The following KCNIP4 variants were observed in gnomAD, a reference collection of about 807,000 sequenced individuals.
The protein encoded by KCNIP4 is potassium voltage-gated channel interacting protein 4, also known as Kv channel-interacting protein 4.
A neutral mutation model predicts 34.0 loss-of-function variants in KCNIP4; 12 were observed. The ratio of observed to expected loss-of-function variants is 0.35; its 90% confidence interval spans 0.23 to 0.57. KCNIP4 has a LOEUF of 0.57. Among genes scored for constraint, KCNIP4 ranks in the 20% least tolerant of loss-of-function variants. The probability of loss-of-function intolerance (pLI) is 0.83; values close to 1 mark genes in which losing one functional copy is unlikely to be tolerated. For synonymous variants in KCNIP4, 124 were observed against 102.2 expected, an observed-to-expected ratio of 1.21 and a Z score of -1.29; for missense variants, 238 against 311.7, an observed-to-expected ratio of 0.76 and a Z score of 1.78.
intron 1 of KCNIP4, among the ~76,000 whole-genome samples, chr4:21,181,915 A>T (rs17448020): frequency 0.084 from 12,791 of 152,198 alleles, 708 homozygotes; most frequent in Middle Eastern, 0.16. Flanking sequence ...CTTGGGTCAA[A>T]CATTTGCTTT....
chr4:21,911,282 A>G (rs1728292727), intron 1 of KCNIP4, among the ~76,000 whole-genome samples: 1 of 152,180 alleles, frequency 6.6e-6, no homozygotes, highest in Non-Finnish European at 1.5e-5. Flanking sequence ...TGTCAATTAG[A>G]CAAGATACAA....
chr4:21,557,202 C>T (rs772557580), intron 1 of KCNIP4, among the ~76,000 whole-genome samples: 3 of 152,024 alleles, frequency 2.0e-5, no homozygotes, highest in Non-Finnish European at 4.4e-5. Context: ...GTTTAGTGCT[C>T]TACGGAGATG....
At chr4:21,471,292 A>G (rs556307697) in intron 1 of KCNIP4, among the ~76,000 whole-genome samples, 1 of 152,276 alleles carries the variant, frequency 6.6e-6, no homozygotes, top group South Asian at 2.1e-4. Flanking sequence ...ATAGTAATTC[A>G]GATTCTCTTC....
intron 1 of KCNIP4, among the ~76,000 whole-genome samples, chr4:21,420,906 A>G (rs952600213): frequency 1.3e-5 from 2 of 152,192 alleles, no homozygotes; most frequent in African/African-American, 4.8e-5. Flanking sequence ...AGGGGTTAAT[A>G]TCACAAATAT....
intron 1 of KCNIP4, among the ~76,000 whole-genome samples, chr4:21,632,063 A>G (rs1745800998): frequency 1.3e-5 from 2 of 152,166 alleles, no homozygotes; most frequent in Admixed American, 1.3e-4. Flanking sequence ...GAGGACATGT[A>G]CAATTTTACC....
At chr4:21,547,142 T>C (rs1486244573) in intron 1 of KCNIP4, among the ~76,000 whole-genome samples, 1 of 152,066 alleles carries the variant, frequency 6.6e-6, no homozygotes, top group Non-Finnish European at 1.5e-5. Context: ...TGCCAAAATC[T>C]GCTGTTCAAC....
chr4:21,497,649 G>A (rs997485832), intron 1 of KCNIP4, among the ~76,000 whole-genome samples: 2 of 152,136 alleles, frequency 1.3e-5, no homozygotes, highest in Admixed American at 6.5e-5. Context: ...TCTTCTACAG[G>A]AAGAGTATGT....
intron 2 of KCNIP4, among the ~76,000 whole-genome samples, chr4:20,866,152 T>C (rs1322762674): frequency 6.6e-6 from 1 of 151,948 alleles, no homozygotes; most frequent in African/African-American, 2.4e-5. Context: ...CCCTAACTCA[T>C]TCTATGAAGC....
chr4:20,846,941 A>G (rs1720455464), intron 3 of KCNIP4, among the ~76,000 whole-genome samples: 1 of 152,182 alleles, frequency 6.6e-6, no homozygotes, highest in South Asian at 2.1e-4. Context: ...TTTAATTTGT[A>G]AAGCTCCCCA....
chr4:21,754,430 T>C (rs546671062), intron 1 of KCNIP4, among the ~76,000 whole-genome samples: 5 of 152,350 alleles, frequency 3.3e-5, no homozygotes, highest in African/African-American at 1.2e-4. Flanking sequence ...ATCTGGCTTA[T>C]TATAGGAGAT....
At chr4:20,897,852 A>G (rs559874209) in intron 1 of KCNIP4, among the ~76,000 whole-genome samples, 2 of 152,286 alleles carry the variant, frequency 1.3e-5, no homozygotes, top group East Asian at 1.9e-4. Flanking sequence ...TAAGCCATTC[A>G]GTCTTTGACA....
intron 1 of KCNIP4, among the ~76,000 whole-genome samples, chr4:21,103,966 T>C (rs1748225411): frequency 1.3e-5 from 2 of 152,126 alleles, no homozygotes; most frequent in Admixed American, 1.3e-4. Flanking sequence ...GGCCACATTT[T>C]CTTAATCCAG....
chr4:20,807,100 T>C (rs1338123102), intron 3 of KCNIP4, among the ~76,000 whole-genome samples: 2 of 152,152 alleles, frequency 1.3e-5, no homozygotes, highest in Non-Finnish European at 2.9e-5. Flanking sequence ...GCTGAGTTAA[T>C]TCTCTCACCA....
chr4:20,907,609 G>GCACATT (rs1239529442), intron 1 of KCNIP4, among the ~76,000 whole-genome samples: 1 of 152,144 alleles, frequency 6.6e-6, no homozygotes, highest in Non-Finnish European at 1.5e-5. Flanking sequence ...TTGTTAAAAA[G>GCACATT]CACATTCATT....
chr4:21,294,892 T>C (rs895177670), intron 1 of KCNIP4, among the ~76,000 whole-genome samples: 3 of 152,148 alleles, frequency 2.0e-5, no homozygotes, highest in Admixed American at 6.5e-5. Flanking sequence ...AGCTGATAAG[T>C]GAGGGAGAAG....
intron 1 of KCNIP4, among the ~76,000 whole-genome samples, chr4:21,703,725 T>C (rs551297566): frequency 4.6e-5 from 7 of 152,060 alleles, no homozygotes; most frequent in African/African-American, 1.2e-4. Flanking sequence ...TTACAAAAAC[T>C]CTGATAAAAA....
At chr4:20,999,414 GTTTTTT>G (rs5856594) in intron 1 of KCNIP4, among the ~76,000 whole-genome samples, 14 of 95,348 alleles carry the variant, frequency 1.5e-4, no homozygotes, top group South Asian at 5.9e-4. Context: ...TTGTGGTGGT[GTTTTTT>G]TTTTTTGTTT....
At chr4:20,837,090 A>C (rs1399668132) in intron 3 of KCNIP4, among the ~76,000 whole-genome samples, 1 of 152,036 alleles carries the variant, frequency 6.6e-6, no homozygotes, top group African/African-American at 2.4e-5. Context: ...GAAAACAATT[A>C]ACAACCACAG....
chr4:21,892,207 T>C (rs1303033655), intron 1 of KCNIP4, among the ~76,000 whole-genome samples: 3 of 151,998 alleles, frequency 2.0e-5, no homozygotes, highest in African/African-American at 7.3e-5. Context: ...CAAGGGTAAA[T>C]TAACTATTGC....
Sources: allele counts gnomAD v4.1 joint callset (sites outside exome capture counted in the v4.1 genomes callset), GRCh38; gene constraint gnomAD v4.1.1; transcripts MANE v1.5; gene names NCBI Gene and HGNC (gene_info 2026-07-23, HGNC 2026-07-21).